Variants in KRTAP6-3 observed in about 807,000 individuals in gnomAD.
The protein encoded by KRTAP6-3 is keratin-associated protein 6-3.
For missense variants in KRTAP6-3, 121 were observed against 133.1 expected (o/e 0.91, Z 0.45); for synonymous variants, 62 against 57.5 (o/e 1.08, Z -0.36).
chr21:30,592,701 TA>T, the KRTAP6-3 span: 2 of 1,613,494 alleles, frequency 1.2e-6, no homozygotes, highest in Admixed American at 3.3e-5. Context: ...TGGCTATGGC[TA>T]TGTCTCCCAC....
In KRTAP6-3 at chr21:30,592,455, A is replaced by G. The variant is rs1484478656; in HGVS notation, c.10A>G (p.Thr4Ala). 2 of 1,596,864 alleles carry G rather than the reference A, an allele frequency of 1.3e-6. No homozygotes were observed. The highest frequency in any genetic ancestry group is 2.2e-5 in the East Asian group (1 of 44,764). The stretch of plus-strand genomic sequence containing the variant: ...TCCTTCCTACCCAAGGATGACCTCA[A>G]CAACCAACACCATGTGTGGCAGCTA... Residue 4 changes from threonine to alanine, a missense_variant, in exon 1 of 1, where the codon ACA becomes GCA. Thr to Ala is a moderately conservative substitution (Grantham distance 58). Transcript: ENST00000391624.
rs925933782 is a variant in KRTAP6-3, at chr21:30,592,966, A to G, written c.*188A>G. 4 of 1,187,836 alleles carry G rather than the reference A, an allele frequency of 3.4e-6. No individual in the cohort carries two copies. In the African/African-American group the frequency reaches 6.1e-5, roughly 18 times the overall value. The allele number at this position is 1,187,836 out of a possible 1,614,324, so 73.6% of individuals were successfully genotyped here. A position where few individuals can be genotyped will look rare whatever the true frequency, so the allele number is the denominator to read the frequency against. On this transcript the variant is annotated 3_prime_UTR_variant, in exon 1 of 1. Coordinates refer to ENST00000391624, the MANE Select transcript of KRTAP6-3 (RefSeq NM_181605.4). Reference sequence around the variant, plus strand: ...TCCATCATGAAGTGGGATAAGGTGAAGTTCACCTGTCACTTCTCCTTTTAT... The same window carrying G: ...TCCATCATGAAGTGGGATAAGGTGAGGTTCACCTGTCACTTCTCCTTTTAT...
Position 30,592,458 on chromosome 21 carries a change from A to G in KRTAP6-3, c.13A>G (p.Thr5Ala). Residue 5 changes from threonine (T) to alanine (A), a missense_variant, in exon 1 of 1, where the codon ACC becomes GCC. Transcript: ENST00000391624. ...TTCCTACCCAAGGATGACCTCAACA[A>G]CCAACACCATGTGTGGCAGCTACTA... 6.2e-7 allele frequency: 1 copy of G among 1,600,754 alleles called. No individual in the cohort carries two copies. The highest frequency in any genetic ancestry group is 8.5e-7 in the Non-Finnish European group (1 of 1,173,060).
Position 30,592,736 on chromosome 21 carries a change from G to A in KRTAP6-3, c.291G>A (p.Arg97=), listed in dbSNP as rs1171405193. The A allele has an allele frequency of 6.2e-7, 1 of 1,611,264 alleles. No homozygotes were observed. The highest frequency in any genetic ancestry group is 8.5e-7 in the Non-Finnish European group (1 of 1,178,558). Residue 97 remains arginine (R), a synonymous_variant, in exon 1 of 1, where the codon AGG becomes AGA. Coordinates refer to ENST00000391624, the MANE Select transcript of KRTAP6-3 (RefSeq NM_181605.4). ...ACTCCTTCTGTGGCTGTGGCTATAG[G>A]TGCGGCTCTGGCTATGGCTCCAGCT...
In KRTAP6-3 at chr21:30,592,538, C is replaced by T. The variant is rs748670186; in HGVS notation, c.93C>T (p.Gly31=). Residue 31 remains glycine (G), a synonymous_variant, in exon 1 of 1, where the codon GGC becomes GGT. Transcript: ENST00000391624. ...GGTGCTGTGGCTACGGAGGCCTGGG[C>T]TGTGGTTATGGCGGCTGTGGCTATG... is the stretch of plus-strand genomic sequence containing the variant. 7 of 1,613,836 alleles carry T rather than the reference C, an allele frequency of 4.3e-6. No homozygotes were observed. In the Admixed American group the frequency reaches 1.0e-4, roughly 23 times the overall value.
rs376564418 is a variant in KRTAP6-3, at chr21:30,592,818, T to C, written c.*40T>C. ...ACTCTCACCCTCTATCCTGTGACAT[T>C]GCAATTCACCAATTCTGAAGCCCAC... On this transcript the variant is annotated 3_prime_UTR_variant, in exon 1 of 1. Transcript: ENST00000391624. 6 of 1,513,350 alleles carry C rather than the reference T, an allele frequency of 4.0e-6. No individual in the cohort carries two copies. The African/African-American group carries it at 8.3e-5, about 21-fold the overall frequency. The allele number at this position is 1,513,350 out of a possible 1,614,324, so 93.7% of individuals were successfully genotyped here.
In KRTAP6-3 at chr21:30,592,838, G is replaced by A; in HGVS notation, c.*60G>A. ...GACATTGCAATTCACCAATTCTGAA[G>A]CCCACATGCTCTGAGCCTTTCCCTT... On this transcript the variant is annotated 3_prime_UTR_variant, in exon 1 of 1. Transcript: ENST00000391624. The A allele has an allele frequency of 6.7e-7, 1 of 1,489,520 alleles. No homozygotes were observed. Among genetic ancestry groups the A allele is most frequent in the Non-Finnish European group, 9.0e-7 (1 of 1,115,832 alleles). The allele number at this position is 1,489,520 out of a possible 1,614,324, so 92.3% of individuals were successfully genotyped here.
At position 30,592,535 on chromosome 21, in the gene KRTAP6-3, G is replaced by A. The variant is rs1283067098; in HGVS notation, c.90G>A (p.Leu30=). 2 of 1,613,846 alleles carry A rather than the reference G, an allele frequency of 1.2e-6. No individual in the cohort carries two copies. The highest frequency in any genetic ancestry group is 1.3e-5 in the African/African-American group (1 of 74,904). ...ATGGGTGCTGTGGCTACGGAGGCCT[G>A]GGCTGTGGTTATGGCGGCTGTGGCT... Residue 30 remains leucine (L), a synonymous_variant, in exon 1 of 1, where the codon CTG becomes CTA. Transcript: ENST00000391624.
Position 30,592,959 on chromosome 21 carries a change from A to T in KRTAP6-3, c.*181A>T. On this transcript the variant is annotated 3_prime_UTR_variant, in exon 1 of 1. Transcript: ENST00000391624. ...CTGAGTTTCCATCATGAAGTGGGATAAGGTGAAGTTCACCTGTCACTTCTC... is the reference window on the plus strand; with the variant it reads ...CTGAGTTTCCATCATGAAGTGGGATTAGGTGAAGTTCACCTGTCACTTCTC... 1 of 1,279,514 alleles carries T rather than the reference A, an allele frequency of 7.8e-7. No individual in the cohort carries two copies. The highest frequency in any genetic ancestry group is 1.5e-5 in the African/African-American group (1 of 66,876). The allele number at this position is 1,279,514 out of a possible 1,614,324, so 79.3% of individuals were successfully genotyped here. A position where few individuals can be genotyped will look rare whatever the true frequency, so the allele number is the denominator to read the frequency against.
rs9305426 is a variant in KRTAP6-3, at chr21:30,592,597, A to G, written c.152A>G (p.Tyr51Cys). 6 of 1,613,032 alleles carry G rather than the reference A, an allele frequency of 3.7e-6. No homozygotes were observed. Among genetic ancestry groups the G allele is most frequent in the African/African-American group, 1.3e-5 (1 of 74,776 alleles). The change falls in exon 1 of 1, where the codon TAT (tyrosine) becomes TGT (cysteine). Residue 51 changes from tyrosine (Y) to cysteine (C), a missense_variant. By Grantham distance (194) the Tyr-to-Cys change is radical. Coordinates refer to ENST00000391624, the MANE Select transcript of KRTAP6-3 (RefSeq NM_181605.4). ...GGCTACGGAGGCCTGGGCTTTGGCT[A>G]TGGAGGCCTGGACTGTGGCTATGGA... is the stretch of plus-strand genomic sequence containing the variant.
At position 30,592,911 on chromosome 21, in the gene KRTAP6-3, C is replaced by T. The variant is rs1980083539; in HGVS notation, c.*133C>T. 5.6e-6 allele frequency: 8 copies of T among 1,423,932 alleles called. No individual in the cohort carries two copies. In the South Asian group the frequency reaches 1.3e-4, roughly 23 times the overall value. 88.2% of individuals were successfully genotyped at this position (1,423,932 alleles called of 1,614,324 possible). A position where few individuals can be genotyped will look rare whatever the true frequency, so the allele number is the denominator to read the frequency against. ...AAGTCTAATATGATCTGTTGTTGAT[C>T]TACCATCTAACCCAAAAATACCCTG... On this transcript the variant is annotated 3_prime_UTR_variant, in exon 1 of 1. Transcript: ENST00000391624.
Position 30,593,017 on chromosome 21 carries a change from C to T in KRTAP6-3, c.*239C>T. On this transcript the variant is annotated 3_prime_UTR_variant, in exon 1 of 1. Coordinates refer to ENST00000391624, the MANE Select transcript of KRTAP6-3 (RefSeq NM_181605.4). ...CAGGATGATGGTGTCACAGTGACTC[C>T]TTTGATGACTTTCATGCTGTAGTTT... 1.5e-6 allele frequency: 1 copy of T among 654,896 alleles called. No homozygotes were observed. Among genetic ancestry groups the T allele is most frequent in the Non-Finnish European group, 2.4e-6 (1 of 424,754 alleles). 40.6% of individuals were successfully genotyped at this position (654,896 alleles called of 1,614,324 possible).
Position 30,592,654 on chromosome 21 carries a change from G to A in KRTAP6-3, c.209G>A (p.Gly70Asp). The A allele has an allele frequency of 6.2e-7, 1 of 1,613,948 alleles. No individual in the cohort carries two copies. The highest frequency in any genetic ancestry group is 8.5e-7 in the Non-Finnish European group (1 of 1,179,918). Reference sequence around the variant, plus strand: ...GGCTGTGGCTATGGCTCCTTCTGTGGCTGTGGCTACAGAGGCCTGGACTGT... The same window carrying A: ...GGCTGTGGCTATGGCTCCTTCTGTGACTGTGGCTACAGAGGCCTGGACTGT... The change falls in exon 1 of 1, where the codon GGC becomes GAC. Residue 70 changes from glycine to aspartate, a missense_variant. By Grantham distance (94) the Gly-to-Asp change is moderately conservative (BLOSUM62 -1). Coordinates refer to ENST00000391624, the MANE Select transcript of KRTAP6-3 (RefSeq NM_181605.4).
Position 30,592,862 on chromosome 21 carries a change from T to C in KRTAP6-3, c.*84T>C, listed in dbSNP as rs1980082209. The stretch of plus-strand genomic sequence containing the variant: ...AGCCCACATGCTCTGAGCCTTTCCC[T>C]TGATTGATGATATCCTGCAGTGGAA... On this transcript the variant is annotated 3_prime_UTR_variant, in exon 1 of 1. Transcript: ENST00000391624. 1 of 1,456,978 alleles carries C rather than the reference T, an allele frequency of 6.9e-7. No homozygotes were observed. Among genetic ancestry groups the C allele is most frequent in the African/African-American group, 1.4e-5 (1 of 70,058 alleles). The allele number at this position is 1,456,978 out of a possible 1,614,324, so 90.3% of individuals were successfully genotyped here.
At position 30,592,460 on chromosome 21, in the gene KRTAP6-3, C is replaced by A; in HGVS notation, c.15C>A (p.Thr5=). The stretch of plus-strand genomic sequence containing the variant: ...CCTACCCAAGGATGACCTCAACAAC[C>A]AACACCATGTGTGGCAGCTACTACA... The change falls in exon 1 of 1, where the codon ACC becomes ACA. Residue 5 remains threonine (T), a synonymous_variant. Transcript: ENST00000391624. 1.2e-6 allele frequency: 2 copies of A among 1,601,592 alleles called. No individual in the cohort carries two copies. The highest frequency in any genetic ancestry group is 1.7e-6 in the Non-Finnish European group (2 of 1,173,458).
At position 30,593,001 on chromosome 21, in the gene KRTAP6-3, G is replaced by A; in HGVS notation, c.*223G>A. 1.2e-6 allele frequency: 1 copy of A among 866,204 alleles called. No homozygotes were observed. The highest frequency in any genetic ancestry group is 1.7e-6 in the Non-Finnish European group (1 of 603,304). The allele number at this position is 866,204 out of a possible 1,614,324, so 53.7% of individuals were successfully genotyped here. A position where few individuals can be genotyped will look rare whatever the true frequency, so the allele number is the denominator to read the frequency against. Reference sequence around the variant, plus strand: ...TCACTTCTCCTTTTATCAGGATGATGGTGTCACAGTGACTCCTTTGATGAC... The same window carrying A: ...TCACTTCTCCTTTTATCAGGATGATAGTGTCACAGTGACTCCTTTGATGAC... On this transcript the variant is annotated 3_prime_UTR_variant, in exon 1 of 1. Transcript: ENST00000391624.
At position 30,592,865 on chromosome 21, in the gene KRTAP6-3, A is replaced by G; in HGVS notation, c.*87A>G. ...CCACATGCTCTGAGCCTTTCCCTTG[A>G]TTGATGATATCCTGCAGTGGAAGTC... On this transcript the variant is annotated 3_prime_UTR_variant, in exon 1 of 1. Transcript: ENST00000391624. The G allele has an allele frequency of 3.4e-6, 5 of 1,455,882 alleles. No homozygotes were observed. The highest frequency in any genetic ancestry group is 3.6e-6 in the Non-Finnish European group (4 of 1,100,090). The allele number at this position is 1,455,882 out of a possible 1,614,324, so 90.2% of individuals were successfully genotyped here. A position where few individuals can be genotyped will look rare whatever the true frequency, so the allele number is the denominator to read the frequency against.
In KRTAP6-3 at chr21:30,592,800, C is replaced by T. The variant is rs765325154; in HGVS notation, c.*22C>T. The T allele has an allele frequency of 1.3e-6, 2 of 1,551,240 alleles. No homozygotes were observed. Among genetic ancestry groups the T allele is most frequent in the Admixed American group, 2.0e-5 (1 of 50,828 alleles). ...TTGAGGACACCATGGGAGACTCTCA[C>T]CCTCTATCCTGTGACATTGCAATTC... On this transcript the variant is annotated 3_prime_UTR_variant, in exon 1 of 1. Transcript: ENST00000391624.
In KRTAP6-3 at chr21:30,592,854, C is replaced by A. The variant is rs1255669911; in HGVS notation, c.*76C>A. The A allele has an allele frequency of 5.5e-6, 8 of 1,461,998 alleles. No homozygotes were observed. In the Admixed American group the frequency reaches 1.6e-4, roughly 29 times the overall value. 90.6% of individuals were successfully genotyped at this position (1,461,998 alleles called of 1,614,324 possible). A position where few individuals can be genotyped will look rare whatever the true frequency, so the allele number is the denominator to read the frequency against. Reference sequence around the variant, plus strand: ...AATTCTGAAGCCCACATGCTCTGAGCCTTTCCCTTGATTGATGATATCCTG... The same window carrying A: ...AATTCTGAAGCCCACATGCTCTGAGACTTTCCCTTGATTGATGATATCCTG... On this transcript the variant is annotated 3_prime_UTR_variant, in exon 1 of 1. Transcript: ENST00000391624.
Sources: gnomAD v4.1 joint callset for allele counts on GRCh38, gnomAD v4.1.1 for gene constraint, MANE v1.5 for transcripts, NCBI Gene and HGNC (gene_info 2026-07-23, HGNC 2026-07-21) for gene names.